Variants in FAM13C observed in about 807,000 individuals in gnomAD.
FAM13C encodes family with sequence similarity 13 member C.
In FAM13C, 37 loss-of-function variants were observed where a neutral mutation model predicts 73.2. The ratio of observed to expected loss-of-function variants is 0.51; its 90% CI spans 0.39 to 0.67. FAM13C has a LOEUF of 0.67. Ranked by LOEUF, FAM13C falls within the 30% of genes least tolerant of loss-of-function variation. The pLI is 0.00. For synonymous variants in FAM13C, 246 were observed against 260.9 expected (o/e 0.94, Z 0.55); for missense variants, 589 against 715.6 (o/e 0.82, Z 2.02).
chr10:59,313,025 T>G (rs1252102319), intron 4 of FAM13C, among the ~76,000 whole-genome samples: 2 of 152,186 alleles, frequency 1.3e-5, no homozygotes, highest in African/African-American at 4.8e-5. Flanking sequence ...GGAAACTAGC[T>G]TTCCACAATT....
In FAM13C at chr10:59,251,685, G is replaced by A; in HGVS notation, c.1533-9C>T. ...GGTCAAGAAGTACAGGCCTATATAA[G>A]GTAAAATACTTGTCATTACTGGGCA... is the stretch of plus-strand genomic sequence containing the variant. On this transcript the variant is annotated splice_polypyrimidine_tract_variant and intron_variant, in intron 12 of 13. Coordinates refer to ENST00000618804, the MANE Select transcript of FAM13C (RefSeq NM_198215.4). The A allele has an allele frequency of 3.8e-6, 6 of 1,576,668 alleles. No individual in the cohort carries two copies. Among genetic ancestry groups the A allele is most frequent in the Non-Finnish European group, 3.4e-6 (4 of 1,162,684 alleles).
At chr10:59,339,729 C>G (rs1401331270) in intron 3 of FAM13C, among the ~76,000 whole-genome samples, 1 of 152,046 alleles carries the variant, frequency 6.6e-6, no homozygotes, top group Non-Finnish European at 1.5e-5. Flanking sequence ...TAGTTTTGCC[C>G]CAAAAGGGAT....
chr10:59,272,151 T>C (rs754997668), intron 6 of FAM13C, among the ~76,000 whole-genome samples: 1 of 152,234 alleles, frequency 6.6e-6, no homozygotes, highest in Non-Finnish European at 1.5e-5. Flanking sequence ...TCCATTTATA[T>C]GGCATCTGTT....
intron 4 of FAM13C, among the ~76,000 whole-genome samples, chr10:59,321,397 A>AGAAATG (rs1850242699): frequency 6.9e-6 from 1 of 144,820 alleles, no homozygotes; most frequent in Non-Finnish European, 1.5e-5. Flanking sequence ...ATTCTTCCCT[A>AGAAATG]GAGCCTCTAG....
At chr10:59,262,726 C>G (rs930378783) in intron 9 of FAM13C, 81 bp from the exon 10 acceptor site, 41 of 1,183,164 alleles carry the variant, frequency 3.5e-5, no homozygotes, top group Non-Finnish European at 4.8e-5. Flanking sequence ...GAATTCCTTC[C>G]CCTGATGCCA....
chr10:59,359,994 G>C (rs921667622), intron 1 of FAM13C, among the ~76,000 whole-genome samples: 4 of 152,188 alleles, frequency 2.6e-5, no homozygotes, highest in Non-Finnish European at 4.4e-5. Context: ...AAAGGCCAAG[G>C]CCATTGTGAT....
chr10:59,355,719 A>C (rs1855625837), intron 2 of FAM13C, among the ~76,000 whole-genome samples, 168 bp downstream of exon 2: 5 of 152,218 alleles, frequency 3.3e-5, no homozygotes, highest in African/African-American at 9.6e-5. Flanking sequence ...GGTATCCAAA[A>C]GCGGAAAAGA....
At chr10:59,292,007 C>G (rs1343462429) in intron 5 of FAM13C, among the ~76,000 whole-genome samples, 2 of 152,036 alleles carry the variant, frequency 1.3e-5, no homozygotes, top group Non-Finnish European at 2.9e-5. Context: ...CCAGGATGGT[C>G]TCTATCTCCT....
intron 3 of FAM13C, among the ~76,000 whole-genome samples, chr10:59,348,949 A>T (rs1854668047): frequency 6.6e-6 from 1 of 152,122 alleles, no homozygotes; most frequent in Admixed American, 6.5e-5. Flanking sequence ...TTTTAAGAGT[A>T]TTATATCTTG....
chr10:59,253,260 G>A (rs941697957), intron 11 of FAM13C, among the ~76,000 whole-genome samples: 3 of 152,202 alleles, frequency 2.0e-5, no homozygotes, highest in Admixed American at 1.3e-4. Context: ...CTGGGCCAAT[G>A]AAGGCACAGA....
chr10:59,350,055 G>A (rs1302802057), intron 3 of FAM13C, among the ~76,000 whole-genome samples: 1 of 152,098 alleles, frequency 6.6e-6, no homozygotes, highest in African/African-American at 2.4e-5. Context: ...ATAATAATCT[G>A]TCTTCTTTTA....
At chr10:59,336,731 T>C (rs558759) in intron 3 of FAM13C, among the ~76,000 whole-genome samples, 151,381 of 152,352 alleles carry the variant, frequency 0.99, 75,212 homozygotes, top group Middle Eastern at 1. Flanking sequence ...GACAAATATC[T>C]TCTATAGGGA....
At chr10:59,355,007 TAATAATAATAA>T in intron 2 of FAM13C, among the ~76,000 whole-genome samples, 1 of 151,360 alleles carries the variant, frequency 6.6e-6, no homozygotes, top group Admixed American at 6.6e-5. Flanking sequence ...ATAATAATAA[TAATAATAATAA>T]TTTAAAAAAT....
At chr10:59,304,805 G>GAAGGGAAGGGAAGGGAAGGGAAGGT (rs1848030016) in intron 4 of FAM13C, among the ~76,000 whole-genome samples, 1 of 103,112 alleles carries the variant, frequency 9.7e-6, no homozygotes, top group East Asian at 3.3e-4. Context: ...GAAGGGAAGG[G>GAAGGGAAGGGAAGGGAAGGGAAGGT]AAGGGAAGGA....
In FAM13C at chr10:59,302,096, A is replaced by C. The variant is rs112999924; in HGVS notation, c.507+705T>G. Among the ~76,000 whole-genome samples the C allele has an allele frequency of 1.5e-4, 23 of 152,306 alleles. 2 individuals are homozygous for C. The highest frequency in any genetic ancestry group is 5.5e-4 in the African/African-American group (23 of 41,558). The stretch of plus-strand genomic sequence containing the variant: ...TTTTCATTCTCTTTGCTATGACCTT[A>C]ATCAGACGTACTAAATACCACCTAC... On this transcript the variant is annotated intron_variant, in intron 5 of 13. Transcript: ENST00000618804.
chr10:59,275,664 T>C (rs1450645977), intron 6 of FAM13C, among the ~76,000 whole-genome samples: 3 of 152,212 alleles, frequency 2.0e-5, no homozygotes, highest in Non-Finnish European at 4.4e-5. Context: ...AGGCTACTGG[T>C]TAAAAGCCCG....
At chr10:59,264,202 G>A in intron 8 of FAM13C, 36 bp from the exon 9 acceptor site, 13 of 1,453,304 alleles carry the variant, frequency 8.9e-6, no homozygotes, top group Middle Eastern at 1.7e-4. Context: ...GTGGAAGGGA[G>A]GGAAGGAGGG....
chr10:59,361,312 G>T (rs1856381125), intron 1 of FAM13C, among the ~76,000 whole-genome samples: 1 of 152,002 alleles, frequency 6.6e-6, no homozygotes, highest in Non-Finnish European at 1.5e-5. Context: ...AAAACAAGAG[G>T]GCCTAGGAAG....
At chr10:59,313,089 C>T (rs1006983460) in intron 4 of FAM13C, among the ~76,000 whole-genome samples, 9 of 152,152 alleles carry the variant, frequency 5.9e-5, no homozygotes, top group Non-Finnish European at 7.3e-5. Context: ...TTCCTTTCTC[C>T]CTGAAGTCAA....
Sources: allele counts gnomAD v4.1 joint callset (sites outside exome capture counted in the v4.1 genomes callset), GRCh38; gene constraint gnomAD v4.1.1; transcripts MANE v1.5; gene names NCBI Gene and HGNC (gene_info 2026-07-23, HGNC 2026-07-21).